Variants in SYK observed in about 807,000 individuals in gnomAD.
SYK encodes the protein spleen associated tyrosine kinase, also known as tyrosine-protein kinase SYK.
In SYK, 16 loss-of-function variants were observed where a neutral mutation model predicts 77.8. The observed-to-expected ratio is 0.21, with a 90% CI of 0.14 to 0.31. The LOEUF (loss-of-function observed/expected upper bound fraction) is 0.31. Ranked by LOEUF, SYK falls within the 10% of genes least tolerant of loss-of-function variation. The probability of loss-of-function intolerance (pLI) is 1.00; values close to 1 mark genes in which losing one functional copy is unlikely to be tolerated. For synonymous variants in SYK, 312 were observed against 308.7 expected (o/e 1.01, Z -0.11); for missense variants, 529 against 814.4 (o/e 0.65, Z 4.26).
At chr9:90,862,367 C>T (rs1449053982) in intron 4 of SYK, 23 bp downstream of exon 4, 23 of 1,610,550 alleles carry the variant, frequency 1.4e-5, no homozygotes, top group Non-Finnish European at 1.9e-5. Flanking sequence ...CTCTCCCCAC[C>T]TTGTGGGTAG....
intron 10 of SYK, among the ~76,000 whole-genome samples, 155 bp from the exon 11 acceptor site, chr9:90,878,609 A>G (rs541818866): frequency 6.6e-6 from 1 of 152,334 alleles, no homozygotes; most frequent in South Asian, 2.1e-4. Context: ...CTGAAGAGCT[A>G]TATGCTAACA....
At chr9:90,882,271 A>G (rs545241077) in intron 11 of SYK, among the ~76,000 whole-genome samples, 5 of 152,364 alleles carry the variant, frequency 3.3e-5, no homozygotes, top group Non-Finnish European at 7.3e-5. Context: ...CAAAATTTTA[A>G]AATAGCACAC....
intron 3 of SYK, among the ~76,000 whole-genome samples, chr9:90,859,835 G>T (rs893610867): frequency 6.6e-6 from 1 of 152,182 alleles, no homozygotes; most frequent in Admixed American, 6.5e-5. Flanking sequence ...TTTGCCAGAT[G>T]CCTAATGAGG....
chr9:90,862,175 G>A (rs748365175), intron 3 of SYK, 31 bp from the exon 4 acceptor site: 3 of 1,572,050 alleles, frequency 1.9e-6, no homozygotes, highest in South Asian at 2.3e-5. Context: ...TGGCGGGCCT[G>A]GGGATGATGC....
chr9:90,838,196 C>A (rs938901918), intron 1 of SYK, among the ~76,000 whole-genome samples: 1 of 152,120 alleles, frequency 6.6e-6, no homozygotes, highest in African/African-American at 2.4e-5. Context: ...GAAATAAATA[C>A]CCATTAACCA....
At chr9:90,813,294 C>T (rs1309653158) in intron 1 of SYK, among the ~76,000 whole-genome samples, 2 of 151,992 alleles carry the variant, frequency 1.3e-5, no homozygotes, top group South Asian at 2.1e-4. Flanking sequence ...GGGGATGGGC[C>T]GCTGCTGCTA....
At chr9:90,819,961 A>T (rs1013489166) in intron 1 of SYK, among the ~76,000 whole-genome samples, 1 of 152,232 alleles carries the variant, frequency 6.6e-6, no homozygotes, top group Non-Finnish European at 1.5e-5. Context: ...ACCCATTCCA[A>T]CTGGGAGAAA....
chr9:90,847,265 AAG>A (rs1464765805), intron 3 of SYK, among the ~76,000 whole-genome samples: 1 of 152,138 alleles, frequency 6.6e-6, no homozygotes, highest in East Asian at 1.9e-4. Context: ...TGGTTTATGC[AAG>A]AGAGTCTCAA....
intron 1 of SYK, among the ~76,000 whole-genome samples, chr9:90,836,226 G>T (rs1411464589): frequency 6.6e-6 from 1 of 151,118 alleles, no homozygotes; most frequent in Non-Finnish European, 1.5e-5. Context: ...GGCGGAGCTT[G>T]CAGTGAGCCG....
chr9:90,839,343 C>T (rs1376092454), intron 1 of SYK, among the ~76,000 whole-genome samples: 1 of 152,154 alleles, frequency 6.6e-6, no homozygotes, highest in African/African-American at 2.4e-5. Flanking sequence ...AGTCACATGG[C>T]CAGAAAAGGG....
intron 1 of SYK, among the ~76,000 whole-genome samples, chr9:90,817,996 A>T (rs1825359864): frequency 6.6e-6 from 1 of 152,078 alleles, no homozygotes; most frequent in Non-Finnish European, 1.5e-5. Context: ...TCAACACTCT[A>T]AGAAATGGTT....
chr9:90,802,271 G>A (rs74625213), intron 1 of SYK, among the ~76,000 whole-genome samples: 17,460 of 152,238 alleles, frequency 0.11, 1,197 homozygotes, highest in Admixed American at 0.23. Context: ...GTCGATCTTG[G>A]AGCTAGAACA....
intron 11 of SYK, among the ~76,000 whole-genome samples, chr9:90,882,338 GCA>G: frequency 6.6e-6 from 1 of 152,200 alleles, no homozygotes; most frequent in East Asian, 1.9e-4. Flanking sequence ...AAGTGCCAGG[GCA>G]CCTTATGGTC....
At chr9:90,890,801 G>A (rs1487177750) in intron 13 of SYK, among the ~76,000 whole-genome samples, 1 of 152,218 alleles carries the variant, frequency 6.6e-6, no homozygotes, top group East Asian at 1.9e-4. Flanking sequence ...AACTTTTGAA[G>A]CAGCTGTGTT....
At chr9:90,808,461 G>T (rs1465885738) in intron 1 of SYK, among the ~76,000 whole-genome samples, 9 of 142,914 alleles carry the variant, frequency 6.3e-5, no homozygotes, top group Non-Finnish European at 9.1e-5. Context: ...GTGTGTGTTG[G>T]TTTTTTTTTT....
At chr9:90,880,004 C>A (rs769132922) in intron 11 of SYK, among the ~76,000 whole-genome samples, 18 of 152,334 alleles carry the variant, frequency 1.2e-4, no homozygotes, top group Non-Finnish European at 2.5e-4. Context: ...GTGATGGCAC[C>A]AATCCCACTG....
At chr9:90,857,074 T>C (rs1287901547) in intron 3 of SYK, among the ~76,000 whole-genome samples, 1 of 152,268 alleles carries the variant, frequency 6.6e-6, no homozygotes, top group Non-Finnish European at 1.5e-5. Context: ...CTTTTTGCTG[T>C]TCAAGTTTCA....
chr9:90,808,320 T>G (rs7046316), intron 1 of SYK, among the ~76,000 whole-genome samples: 35,546 of 151,996 alleles, frequency 0.23, 4,218 homozygotes, highest in Middle Eastern at 0.35. Context: ...GATGTATTAG[T>G]TTTCTGTGTA....
At chr9:90,839,165 G>A (rs904378720) in intron 1 of SYK, among the ~76,000 whole-genome samples, 5 of 152,184 alleles carry the variant, frequency 3.3e-5, no homozygotes, top group African/African-American at 9.7e-5. Context: ...CCCCGGGTGG[G>A]TGCCGGTGGG....
Sources: allele counts gnomAD v4.1 joint callset (sites outside exome capture counted in the v4.1 genomes callset), GRCh38; gene constraint gnomAD v4.1.1; transcripts MANE v1.5; gene names NCBI Gene and HGNC (gene_info 2026-07-23, HGNC 2026-07-21).